Variants in IL1RAPL1 observed in about 807,000 individuals in gnomAD.
The protein encoded by IL1RAPL1 is interleukin-1 receptor accessory protein-like 1.
A neutral mutation model predicts 48.4 loss-of-function variants in IL1RAPL1; 3 were observed. That is an observed-to-expected ratio of 0.06 (90% confidence interval 0.03 to 0.16). IL1RAPL1 has a LOEUF of 0.16. IL1RAPL1 is among the 10% of genes least tolerant of loss of function. The probability of loss-of-function intolerance (pLI) is 1.00; values close to 1 mark genes in which losing one functional copy is unlikely to be tolerated. For missense variants in IL1RAPL1, 349 were observed against 530.6 expected, an observed-to-expected ratio of 0.66 and a Z score of 3.36; for synonymous variants, 185 against 187.7, an observed-to-expected ratio of 0.99 and a Z score of 0.12.
chrX:28,835,863 C>T (rs1394933773), intron 2 of IL1RAPL1, among the ~76,000 whole-genome samples: 5 of 110,628 alleles, frequency 4.5e-5, no homozygotes, highest in African/African-American at 1.3e-4. Flanking sequence ...CACTGTAATG[C>T]CTCCCTATTT....
At chrX:29,398,538 C>G (rs1315272140) in intron 4 of IL1RAPL1, among the ~76,000 whole-genome samples, 14 of 111,626 alleles carry the variant, frequency 1.3e-4, no homozygotes, top group Non-Finnish European at 2.6e-4. Context: ...TTATGGAACT[C>G]TAAAGACCTT....
chrX:28,814,004 A>C (rs1458033908), intron 2 of IL1RAPL1, among the ~76,000 whole-genome samples: 1 of 110,775 alleles, frequency 9.0e-6, no homozygotes, highest in Non-Finnish European at 1.9e-5. Context: ...GGCTGAGTGC[A>C]AGAGGAGATT....
chrX:29,129,328 C>A (rs1353252203), intron 2 of IL1RAPL1, among the ~76,000 whole-genome samples: 1 of 111,337 alleles, frequency 9.0e-6, no homozygotes, highest in Non-Finnish European at 1.9e-5. Context: ...CAGGCATGAG[C>A]CACCACGCCA....
At chrX:29,270,491 A>G (rs1216537925) in intron 2 of IL1RAPL1, among the ~76,000 whole-genome samples, 1 of 112,190 alleles carries the variant, frequency 8.9e-6, no homozygotes, top group African/African-American at 3.2e-5. Flanking sequence ...ATTTTGTCAT[A>G]TGGGTACCCA....
chrX:29,803,629 ATG>A (rs1491129605), intron 6 of IL1RAPL1, among the ~76,000 whole-genome samples: 2 of 103,700 alleles, frequency 1.9e-5, no homozygotes, highest in Admixed American at 1.1e-4. Context: ...ATATGTATAT[ATG>A]TGTATATATA....
intron 9 of IL1RAPL1, 101 bp downstream of exon 9, chrX:29,941,895 G>A: frequency 1.4e-6 from 1 of 728,323 alleles, no homozygotes. Flanking sequence ...ATCAATGGCA[G>A]CAGCTCGTAT....
At chrX:28,815,839 G>GTATGTGTATATA (rs1467095474) in intron 2 of IL1RAPL1, among the ~76,000 whole-genome samples, 1 of 29,102 alleles carries the variant, frequency 3.4e-5, no homozygotes, top group African/African-American at 8.9e-5. Context: ...GTGTGTTTAT[G>GTATGTGTATATA]TATATATATA....
chrX:29,284,738 C>G (rs987826025), intron 3 of IL1RAPL1, among the ~76,000 whole-genome samples: 4 of 112,144 alleles, frequency 3.6e-5, no homozygotes, highest in African/African-American at 1.3e-4. Context: ...GAGCGAGACT[C>G]TGTCTCAAAA....
At chrX:28,685,163 A>G (rs901257977) in intron 1 of IL1RAPL1, among the ~76,000 whole-genome samples, 1 of 112,605 alleles carries the variant, frequency 8.9e-6, no homozygotes, top group Non-Finnish European at 1.9e-5. Context: ...ATCAGCTACA[A>G]TGACTGAATC....
chrX:29,195,168 G>C (rs1275323301), intron 2 of IL1RAPL1, among the ~76,000 whole-genome samples: 1 of 112,009 alleles, frequency 8.9e-6, no homozygotes, highest in Non-Finnish European at 1.9e-5. Context: ...TATTTACTGA[G>C]TACTCTGTAT....
At chrX:29,131,477 A>G (rs759600122) in intron 2 of IL1RAPL1, among the ~76,000 whole-genome samples, 7 of 110,123 alleles carry the variant, frequency 6.4e-5, no homozygotes, top group Non-Finnish European at 1.3e-4. Context: ...AAAGTTCTCA[A>G]TTTTTTTGCA....
At chrX:28,671,792 G>A (rs761143245) in intron 1 of IL1RAPL1, among the ~76,000 whole-genome samples, 10 of 111,969 alleles carry the variant, frequency 8.9e-5, no homozygotes, top group Non-Finnish European at 1.9e-4. Flanking sequence ...AAATATGATT[G>A]AAACCAGTAG....
At chrX:29,925,410 CTGTTTTTTTTTTTTTT>C (rs1298103406) in intron 8 of IL1RAPL1, among the ~76,000 whole-genome samples, 1 of 6,066 alleles carries the variant, frequency 1.6e-4, no homozygotes, top group African/African-American at 3.6e-4. Context: ...TGTCCCGTAA[CTGTTTTTTTTTTTTTT>C]TTTTTTTTTT....
chrX:29,660,370 T>C (rs1037995583), intron 5 of IL1RAPL1, among the ~76,000 whole-genome samples: 1 of 112,322 alleles, frequency 8.9e-6, no homozygotes, highest in Admixed American at 9.4e-5. Context: ...GTTTTTGCAT[T>C]GGTTGCCTGT....
At chrX:29,544,040 T>TA (rs1313032494) in intron 5 of IL1RAPL1, among the ~76,000 whole-genome samples, 3 of 112,108 alleles carry the variant, frequency 2.7e-5, no homozygotes, top group Non-Finnish European at 3.8e-5. Flanking sequence ...TTTTGAGTCT[T>TA]ATAGTTACAT....
intron 6 of IL1RAPL1, among the ~76,000 whole-genome samples, chrX:29,896,803 A>T (rs1368597958): frequency 1.8e-5 from 2 of 110,764 alleles, no homozygotes; most frequent in African/African-American, 6.8e-5. Context: ...ATGATGCTTT[A>T]TGTCAATGAG....
At chrX:29,027,733 A>T (rs1465252001) in intron 2 of IL1RAPL1, among the ~76,000 whole-genome samples, 1 of 111,512 alleles carries the variant, frequency 9.0e-6, no homozygotes, top group Non-Finnish European at 1.9e-5. Flanking sequence ...TGGCCATTCT[A>T]ATAGTTGTGT....
rs150798474 is a variant in IL1RAPL1, at chrX:29,432,156, C to A, written c.703+32848C>A. On this transcript the variant is annotated intron_variant, in intron 5 of 10. Coordinates refer to ENST00000378993, the MANE Select transcript of IL1RAPL1 (RefSeq NM_014271.4). ...GACCAGAAAGCCTTAATGTTCCCCT[C>A]AGCTTGACTAACTTTAGATAGATCC... is the stretch of plus-strand genomic sequence containing the variant. Among the ~76,000 whole-genome samples the A allele has an allele frequency of 6.9e-4, 77 of 111,555 alleles. No individual in the cohort carries two copies. In the East Asian group the frequency reaches 0.019, roughly 27 times the overall value.
At chrX:28,708,470 A>C (rs779219086) in intron 1 of IL1RAPL1, among the ~76,000 whole-genome samples, 2 of 111,290 alleles carry the variant, frequency 1.8e-5, no homozygotes, top group Non-Finnish European at 3.8e-5. Flanking sequence ...CTTAATATCC[A>C]CCCAAAGGAA....
Sources: gnomAD v4.1 joint callset for allele counts (sites outside exome capture counted in the v4.1 genomes callset) on GRCh38, gnomAD v4.1.1 for gene constraint, MANE v1.5 for transcripts, NCBI Gene and HGNC (gene_info 2026-07-23, HGNC 2026-07-21) for gene names.